The following ITGA6 variants were observed in gnomAD, a reference collection of about 807,000 sequenced individuals.
ITGA6 encodes the protein integrin subunit alpha 6, also known as integrin alpha-6.
ITGA6 carries 63 observed loss-of-function variants against 133.6 expected under a neutral mutation model. The observed-to-expected ratio is 0.47, with a 90% CI of 0.38 to 0.58. ITGA6 has a LOEUF of 0.58. Ranked by LOEUF, ITGA6 falls within the 20% of genes least tolerant of loss-of-function variation. The pLI, the probability that ITGA6 is intolerant of heterozygous loss-of-function variation, is 0.00. For synonymous variants in ITGA6, 434 were observed against 482.0 expected (o/e 0.90, Z 1.30); for missense variants, 1,068 against 1,309.4 (o/e 0.82, Z 2.85).
chr2:172,465,520 GTC>G lies in ITGA6; in HGVS notation c.183-15_183-14del, dbSNP rs779927604. 3.1e-6 allele frequency: 5 copies of G among 1,613,992 alleles called. No homozygotes were observed. Among genetic ancestry groups the G allele is most frequent in the African/African-American group, 2.7e-5 (2 of 75,060 alleles). ...TATATTAAATTCAAATCTCCAAATT[GTC>G]TCTGTTTCATCAACAGGTTGCTCGT... On this transcript the variant is annotated splice_polypyrimidine_tract_variant and intron_variant, in intron 1 of 25. Transcript: ENST00000684293.
intron 1 of ITGA6, among the ~76,000 whole-genome samples, chr2:172,446,958 C>T (rs1427206916): frequency 6.6e-6 from 1 of 151,670 alleles, no homozygotes; most frequent in East Asian, 2.0e-4. Context: ...AGTGCAGTGG[C>T]GCAATCTTGG....
At chr2:172,485,306 A>C in intron 13 of ITGA6, 42 bp downstream of exon 13, 1 of 1,561,782 alleles carries the variant, frequency 6.4e-7, no homozygotes, top group Non-Finnish European at 8.8e-7. Flanking sequence ...TTTTTTTGCC[A>C]TTTATGATGC....
At chr2:172,455,494 G>T (rs1418427469) in intron 1 of ITGA6, among the ~76,000 whole-genome samples, 2 of 152,206 alleles carry the variant, frequency 1.3e-5, no homozygotes, top group Non-Finnish European at 2.9e-5. Context: ...CAGCAAGAGT[G>T]TGAATTTCAC....
intron 1 of ITGA6, among the ~76,000 whole-genome samples, chr2:172,451,645 T>C (rs563129919): frequency 4.5e-4 from 69 of 152,276 alleles, no homozygotes; most frequent in African/African-American, 1.6e-3. Context: ...TATCAGTGAA[T>C]GGATGGTGTT....
chr2:172,446,710 GC>G (rs1408891485), intron 1 of ITGA6, among the ~76,000 whole-genome samples: 2 of 152,186 alleles, frequency 1.3e-5, no homozygotes, highest in Non-Finnish European at 2.9e-5. Flanking sequence ...ATGATTAAAT[GC>G]CACATTTGAC....
At chr2:172,503,443 A>G (rs1247159910) in intron 25 of ITGA6, 4 of 152,216 alleles carry the variant, frequency 2.6e-5, no homozygotes, top group African/African-American at 9.6e-5. Flanking sequence ...CTGAAGTCCT[A>G]TGCAGCACAT....
At chr2:172,499,946 T>C (rs988381628) in intron 24 of ITGA6, among the ~76,000 whole-genome samples, 1 of 152,196 alleles carries the variant, frequency 6.6e-6, no homozygotes, top group Non-Finnish European at 1.5e-5. Flanking sequence ...TTTTGTTTTT[T>C]TGAAGCTCTG....
At position 172,427,689 on chromosome 2, in the gene ITGA6, C is replaced by T. The variant is rs1298335990; in HGVS notation, c.-100C>T. The stretch of plus-strand genomic sequence containing the variant: ...GGCCGGGCGCAGCGGCGAGAGGAGG[C>T]GAAGGTGGCTGCGGTAGCAGCAGCG... On this transcript the variant is annotated 5_prime_UTR_variant, in exon 1 of 26. Coordinates refer to ENST00000684293, the MANE Select transcript of ITGA6 (RefSeq NM_000210.4). 24 of 1,362,076 alleles carry T rather than the reference C, an allele frequency of 1.8e-5. No individual in the cohort carries two copies. The highest frequency in any genetic ancestry group is 1.2e-4 in the Admixed American group (3 of 24,950). The allele number at this position is 1,362,076 out of a possible 1,614,324, so 84.4% of individuals were successfully genotyped here.
In ITGA6 at chr2:172,453,928, C is replaced by T. The variant is rs1024870114; in HGVS notation, c.183-11611C>T. On this transcript the variant is annotated intron_variant, in intron 1 of 25. Transcript: ENST00000684293. ...AGGTGTGGCCCCTGCCCCCATGGAG[C>T]TGACCTTCTGGGGAGGGAGAAGGAC... Among the ~76,000 whole-genome samples the T allele has an allele frequency of 2.0e-5, 3 of 152,190 alleles. 1 individual carries two copies.
chr2:172,460,116 G>A (rs1031788484), intron 1 of ITGA6, among the ~76,000 whole-genome samples: 5 of 152,228 alleles, frequency 3.3e-5, no homozygotes, highest in African/African-American at 1.2e-4. Flanking sequence ...TTGAGGCTGA[G>A]GGCTTCTGAT....
intron 1 of ITGA6, among the ~76,000 whole-genome samples, chr2:172,435,755 G>A (rs1050634061): frequency 3.3e-5 from 5 of 149,792 alleles, no homozygotes; most frequent in Non-Finnish European, 7.4e-5. Context: ...TGCCTCCCCA[G>A]TAGCTGGGAC....
At chr2:172,448,268 GA>G (rs139081015) in intron 1 of ITGA6, among the ~76,000 whole-genome samples, 280 of 152,114 alleles carry the variant, frequency 1.8e-3, no homozygotes, top group African/African-American at 6.4e-3. Context: ...TCTTGTAATA[GA>G]TTTTTTTTAA....
In ITGA6 at chr2:172,491,592, C is replaced by A; in HGVS notation, c.2988+69C>A. 6 of 1,037,856 alleles carry A rather than the reference C, an allele frequency of 5.8e-6. No individual in the cohort carries two copies. Among genetic ancestry groups the A allele is most frequent in the South Asian group, 1.3e-5 (1 of 76,444 alleles). 64.3% of individuals were successfully genotyped at this position (1,037,856 alleles called of 1,614,324 possible). ...TTTCCCTGTACCCCACACTCATGTC[C>A]TGAAGTCATGTGCTTTGGTGCTCAT... On this transcript the variant is annotated intron_variant, in intron 23 of 25. Coordinates refer to ENST00000684293, the MANE Select transcript of ITGA6 (RefSeq NM_000210.4). The surrounding 1 kb of genome is among the most constrained non-coding windows in gnomAD (Gnocchi z 4.4).
chr2:172,501,492 C>T (rs1687344764), intron 24 of ITGA6, among the ~76,000 whole-genome samples: 2 of 152,172 alleles, frequency 1.3e-5, no homozygotes, highest in Non-Finnish European at 2.9e-5. Flanking sequence ...TACGTTTTCC[C>T]TATTAGAATG....
At chr2:172,443,300 G>A (rs1210761905) in intron 1 of ITGA6, among the ~76,000 whole-genome samples, 1 of 152,124 alleles carries the variant, frequency 6.6e-6, no homozygotes, top group East Asian at 1.9e-4. Context: ...CAGTTTCGAG[G>A]ATGAACTATG....
At chr2:172,429,233 G>T (rs542698960) in intron 1 of ITGA6, among the ~76,000 whole-genome samples, 51 of 152,182 alleles carry the variant, frequency 3.4e-4, no homozygotes, top group African/African-American at 1.2e-3. Context: ...GCTGGGGGTG[G>T]GGAGGCTCTA....
intron 24 of ITGA6, among the ~76,000 whole-genome samples, chr2:172,499,222 A>G (rs1687252041): frequency 6.6e-6 from 1 of 152,150 alleles, no homozygotes; most frequent in Non-Finnish European, 1.5e-5. Context: ...TCTTCTAGAC[A>G]TGGGATTGAA....
chr2:172,478,979 G>A (rs747755343), intron 9 of ITGA6, among the ~76,000 whole-genome samples: 17 of 152,138 alleles, frequency 1.1e-4, no homozygotes, highest in Admixed American at 7.8e-4. Flanking sequence ...AAGACTACTC[G>A]TAATTAAAAA....
chr2:172,475,732 C>A, intron 8 of ITGA6, 47 bp downstream of exon 8: 2 of 1,039,596 alleles, frequency 1.9e-6, no homozygotes, highest in Non-Finnish European at 3.0e-6. Flanking sequence ...CAACTTTTTG[C>A]CCTATAATAA....
Sources: allele counts gnomAD v4.1 joint callset (sites outside exome capture counted in the v4.1 genomes callset), GRCh38; gene constraint gnomAD v4.1.1; non-coding constraint Gnocchi (gnomAD v3.1); transcripts MANE v1.5; gene names NCBI Gene and HGNC (gene_info 2026-07-23, HGNC 2026-07-21).